Variants in SEMA4D observed in about 807,000 individuals in gnomAD.
SEMA4D encodes the protein semaphorin-4D.
Under a neutral mutation model 74.8 loss-of-function variants are expected in SEMA4D, and 22 were observed. The ratio of observed to expected loss-of-function variants is 0.29; its 90% CI spans 0.21 to 0.42. The LOEUF is 0.42. SEMA4D is among the 10% of genes least tolerant of loss of function. SEMA4D has a pLI of 1.00. For synonymous variants in SEMA4D, 445 were observed against 463.7 expected (o/e 0.96, Z 0.52); for missense variants, 937 against 1,118.4 (o/e 0.84, Z 2.31).
chr9:89,455,629 T>A (rs1463449215), intron 2 of SEMA4D, among the ~76,000 whole-genome samples: 1 of 152,148 alleles, frequency 6.6e-6, no homozygotes, highest in Non-Finnish European at 1.5e-5. Flanking sequence ...GCCTCGCTCA[T>A]TGCCTCCCCT....
rs116068598 is a variant in SEMA4D, at chr9:89,383,367, C to T, written c.1447-2021G>A. Among the ~76,000 whole-genome samples, 760 of 152,272 alleles carry T rather than the reference C, an allele frequency of 5.0e-3. 5 individuals carry two copies. Among genetic ancestry groups the T allele is most frequent in the African/African-American group, 0.017 (710 of 41,546 alleles). ...AATGACCAAGGTCATCACGCTGGTG[C>T]GAGTCATACAGATGCCCCATCCCCA... On this transcript the variant is annotated intron_variant, in intron 13 of 15. Coordinates refer to ENST00000422704, the MANE Select transcript of SEMA4D (RefSeq NM_001371194.2).
intron 1 of SEMA4D, among the ~76,000 whole-genome samples, chr9:89,478,402 A>G (rs1040977846): frequency 6.6e-6 from 1 of 152,162 alleles, no homozygotes; most frequent in African/African-American, 2.4e-5. Context: ...AGAGGGAAGA[A>G]GCAGGACGGA....
chr9:89,431,357 C>A (rs531447532), intron 2 of SEMA4D, among the ~76,000 whole-genome samples: 1 of 152,212 alleles, frequency 6.6e-6, no homozygotes, highest in Non-Finnish European at 1.5e-5. Context: ...AGGAGGGACA[C>A]CAAAATGCCA....
chr9:89,413,462 A>G (rs1027936020), intron 2 of SEMA4D, among the ~76,000 whole-genome samples: 5 of 152,266 alleles, frequency 3.3e-5, no homozygotes, highest in Admixed American at 6.5e-5. Flanking sequence ...ATCTGTGTGT[A>G]TGCATCTGTG....
chr9:89,391,799 A>G lies in SEMA4D; in HGVS notation c.623-384T>C, dbSNP rs184423720. 2.0e-5 allele frequency among the ~76,000 whole-genome samples: 3 copies of G among 152,354 alleles called. No homozygotes were observed. In the East Asian group the frequency reaches 5.8e-4, roughly 29 times the overall value. Reference sequence around the variant, plus strand: ...GGTTTAAACAACACATGCTTCACATAAACAAACTCTAACCACCAGATCCTG... The same window carrying G: ...GGTTTAAACAACACATGCTTCACATGAACAAACTCTAACCACCAGATCCTG... On this transcript the variant is annotated intron_variant, in intron 8 of 15. Coordinates refer to ENST00000422704, the MANE Select transcript of SEMA4D (RefSeq NM_001371194.2).
At chr9:89,464,692 G>A (rs1273704112) in intron 1 of SEMA4D, among the ~76,000 whole-genome samples, 2 of 152,014 alleles carry the variant, frequency 1.3e-5, no homozygotes, top group Non-Finnish European at 2.9e-5. Flanking sequence ...GGCAGTCACA[G>A]AGGTCAACCA....
intron 2 of SEMA4D, among the ~76,000 whole-genome samples, chr9:89,415,108 A>G (rs1265150285): frequency 6.6e-6 from 1 of 152,236 alleles, no homozygotes; most frequent in Non-Finnish European, 1.5e-5. Context: ...CATGGTAGAG[A>G]TGCAGACTGT....
intron 2 of SEMA4D, chr9:89,450,686 A>AAAAAAAAAAAAAAC: frequency 1.3e-5 from 12 of 945,080 alleles, no homozygotes; most frequent in Middle Eastern, 3.4e-4. Flanking sequence ...AAAAAAAAAA[A>AAAAAAAAAAAAAAC]AGGCCTCCAA....
At chr9:89,480,390 T>C (rs964078889) in intron 1 of SEMA4D, among the ~76,000 whole-genome samples, 7 of 152,270 alleles carry the variant, frequency 4.6e-5, no homozygotes, top group Non-Finnish European at 1.0e-4. Flanking sequence ...CAGGTGGAGC[T>C]GCCTGCCAGT....
intron 1 of SEMA4D, among the ~76,000 whole-genome samples, chr9:89,490,089 A>G (rs1218002537): frequency 6.8e-6 from 1 of 147,512 alleles, no homozygotes; most frequent in Non-Finnish European, 1.5e-5. Flanking sequence ...TGTGGCTTTG[A>G]TTCACATTTC....
At chr9:89,477,652 T>C (rs1405337113) in intron 1 of SEMA4D, among the ~76,000 whole-genome samples, 34 of 152,210 alleles carry the variant, frequency 2.2e-4, no homozygotes, top group Admixed American at 6.5e-5. Context: ...TGTGTACTTA[T>C]GCATGCACGC....
intron 2 of SEMA4D, among the ~76,000 whole-genome samples, chr9:89,454,129 G>A (rs1313072795): frequency 6.6e-6 from 1 of 152,168 alleles, no homozygotes; most frequent in African/African-American, 2.4e-5. Context: ...ATGGTCTTGT[G>A]TATGCAGACT....
At chr9:89,425,616 A>T (rs1308691887) in intron 2 of SEMA4D, among the ~76,000 whole-genome samples, 1 of 152,206 alleles carries the variant, frequency 6.6e-6, no homozygotes, top group Non-Finnish European at 1.5e-5. Context: ...AGGACAGCCT[A>T]CAAGCCCGCT....
intron 13 of SEMA4D, chr9:89,384,581 G>A (rs963340293): frequency 1.4e-4 from 120 of 854,498 alleles, no homozygotes; most frequent in Admixed American, 6.2e-4. Flanking sequence ...GCAAAACAAC[G>A]TGAATGTTCT....
chr9:89,404,857 C>T (rs1182238094), intron 3 of SEMA4D, among the ~76,000 whole-genome samples: 3 of 144,502 alleles, frequency 2.1e-5, no homozygotes, highest in Non-Finnish European at 4.5e-5. Context: ...CCCGCCTCAG[C>T]ATCCCAGGAA....
At chr9:89,380,677 C>T (rs977935826) in intron 15 of SEMA4D, among the ~76,000 whole-genome samples, 1 of 152,166 alleles carries the variant, frequency 6.6e-6, no homozygotes, top group African/African-American at 2.4e-5. Flanking sequence ...GGGTGAATCC[C>T]AGGTGGGAGC....
chr9:89,426,229 G>A (rs1331453985), intron 2 of SEMA4D, among the ~76,000 whole-genome samples: 1 of 152,252 alleles, frequency 6.6e-6, no homozygotes, highest in African/African-American at 2.4e-5. Context: ...ACGGCATGAG[G>A]GGATAGGCCC....
In SEMA4D at chr9:89,457,435, T is replaced by C. The variant is rs145662082; in HGVS notation, c.-309-1482A>G. 6.4e-4 allele frequency among the ~76,000 whole-genome samples: 98 copies of C among 152,272 alleles called. No homozygotes were observed. The East Asian group carries it at 0.017, about 27-fold the overall frequency. On this transcript the variant is annotated intron_variant, in intron 1 of 15. Coordinates refer to ENST00000422704, the MANE Select transcript of SEMA4D (RefSeq NM_001371194.2). Reference sequence around the variant, plus strand: ...CCAAACACTGAAGTGTATGCACCCATCACAAAGAACAAGGAGGTCAGCTGG... The same window carrying C: ...CCAAACACTGAAGTGTATGCACCCACCACAAAGAACAAGGAGGTCAGCTGG...
At chr9:89,370,312 C>CGT (rs536933689) in intron 16 of SEMA4D, among the ~76,000 whole-genome samples, 46 of 147,716 alleles carry the variant, frequency 3.1e-4, no homozygotes, top group Admixed American at 1.5e-3. Context: ...CGTGTTATGT[C>CGT]GTGTGTGTGT....
Sources: gnomAD v4.1 joint callset for allele counts (sites outside exome capture counted in the v4.1 genomes callset) on GRCh38, gnomAD v4.1.1 for gene constraint, MANE v1.5 for transcripts, NCBI Gene and HGNC (gene_info 2026-07-23, HGNC 2026-07-21) for gene names.